DLC1: variants seen among roughly 807,000 people sequenced by gnomAD.
DLC1 encodes the protein DLC1 Rho GTPase activating protein.
Under a neutral mutation model 140.3 loss-of-function variants are expected in DLC1, and 54 were observed. The observed-to-expected ratio is 0.38, with a 90% CI of 0.31 to 0.48. The LOEUF (loss-of-function observed/expected upper bound fraction) is 0.48. Ranked by LOEUF, DLC1 falls within the 20% of genes least tolerant of loss-of-function variation. The probability of loss-of-function intolerance (pLI) is 0.96; values close to 1 mark genes in which losing one functional copy is unlikely to be tolerated. For synonymous variants in DLC1, 986 were observed against 728.1 expected, an observed-to-expected ratio of 1.35 and a Z score of -5.70; for missense variants, 2,536 against 1,907.0, an observed-to-expected ratio of 1.33 and a Z score of -6.14.
intron 1 of DLC1, among the ~76,000 whole-genome samples, chr8:13,501,561 G>A (rs1424468127): frequency 6.6e-6 from 1 of 152,142 alleles, no homozygotes; most frequent in Non-Finnish European, 1.5e-5. Flanking sequence ...CTATTCTATT[G>A]TAAAGGGCCT....
At chr8:13,123,704 G>A (rs932165851) in intron 5 of DLC1, among the ~76,000 whole-genome samples, 1 of 151,914 alleles carries the variant, frequency 6.6e-6, no homozygotes, top group Non-Finnish European at 1.5e-5. Context: ...AACTTATTAT[G>A]TTTACTTTCT....
At position 13,242,977 on chromosome 8, in the gene DLC1, C is replaced by T. The variant is rs1051221154; in HGVS notation, c.1348+62292G>A. Among the ~76,000 whole-genome samples, 2 of 151,812 alleles carry T rather than the reference C, an allele frequency of 1.3e-5. 1 individual carries two copies. The highest frequency in any genetic ancestry group is 4.8e-5 in the African/African-American group (2 of 41,302). On this transcript the variant is annotated intron_variant, in intron 5 of 17. Coordinates refer to ENST00000276297, the MANE Select transcript of DLC1 (RefSeq NM_182643.3). ...TGTGATTGGATCATGGGGTGGATTT[C>T]CCCCTTGTTGTTCTCGTGATGGTGA...
At chr8:13,146,289 T>A (rs371839145) in intron 5 of DLC1, among the ~76,000 whole-genome samples, 3 of 143,738 alleles carry the variant, frequency 2.1e-5, no homozygotes, top group African/African-American at 7.6e-5. Context: ...AAAAAAAAAA[T>A]ACACTGTAAT....
intron 5 of DLC1, among the ~76,000 whole-genome samples, chr8:13,227,292 C>A (rs1563181101): frequency 1.3e-5 from 2 of 152,164 alleles, no homozygotes; most frequent in South Asian, 4.1e-4. Flanking sequence ...TGCTACTTCT[C>A]TCTTATTTAG....
At chr8:13,341,997 C>T (rs776279509) in intron 4 of DLC1, 2 of 152,154 alleles carry the variant, frequency 1.3e-5, no homozygotes, top group Admixed American at 1.3e-4. Flanking sequence ...AATAAAGATG[C>T]TCTTTAAATG....
At chr8:13,143,834 G>C (rs941710379) in intron 5 of DLC1, among the ~76,000 whole-genome samples, 2 of 151,426 alleles carry the variant, frequency 1.3e-5, no homozygotes, top group Admixed American at 1.3e-4. Context: ...GAGAGAGAGA[G>C]AGAGAGAGAG....
chr8:13,481,331 G>C (rs1055827575), intron 2 of DLC1, among the ~76,000 whole-genome samples: 1 of 152,258 alleles, frequency 6.6e-6, no homozygotes, highest in Admixed American at 6.5e-5. Context: ...AGAGACTTAG[G>C]TGGGAGAATC....
chr8:13,280,045 C>T (rs182975792), intron 5 of DLC1, among the ~76,000 whole-genome samples: 61 of 151,144 alleles, frequency 4.0e-4, no homozygotes, highest in African/African-American at 1.2e-3. Context: ...TTTGGGAGGC[C>T]GAGGTGCATG....
intron 4 of DLC1, among the ~76,000 whole-genome samples, chr8:13,379,916 G>A (rs1481686404): frequency 1.3e-5 from 2 of 152,170 alleles, no homozygotes; most frequent in African/African-American, 4.8e-5. Context: ...AACACCGCAT[G>A]TTCTCACTCA....
At chr8:13,183,936 A>G (rs1339791862) in intron 5 of DLC1, among the ~76,000 whole-genome samples, 1 of 152,174 alleles carries the variant, frequency 6.6e-6, no homozygotes, top group Non-Finnish European at 1.5e-5. Flanking sequence ...CTGTGAATCC[A>G]TCTGGTCCTG....
At chr8:13,166,411 G>C (rs747199747) in intron 5 of DLC1, among the ~76,000 whole-genome samples, 6 of 152,126 alleles carry the variant, frequency 3.9e-5, no homozygotes, top group Non-Finnish European at 7.3e-5. Context: ...CATAATCTCA[G>C]CTCATTGCAA....
At chr8:13,363,032 TG>T (rs201020176) in intron 4 of DLC1, among the ~76,000 whole-genome samples, 3,466 of 152,312 alleles carry the variant, frequency 0.023, 60 homozygotes, top group Non-Finnish European at 0.033. Flanking sequence ...ACCCTTCTAC[TG>T]TGTGCTAGAT....
At chr8:13,164,308 A>AATC (rs1554456625) in intron 5 of DLC1, among the ~76,000 whole-genome samples, 2 of 145,536 alleles carry the variant, frequency 1.4e-5, no homozygotes, top group African/African-American at 5.4e-5. Context: ...AAAAAAAAAA[A>AATC]TCTCTATATC....
Position 13,213,935 on chromosome 8 carries a change from C to T in DLC1, c.1348+91334G>A, listed in dbSNP as rs560940968. Among the ~76,000 whole-genome samples the T allele has an allele frequency of 3.9e-5, 6 of 152,198 alleles. No individual in the cohort carries two copies. The South Asian group carries it at 8.3e-4, about 21-fold the overall frequency. Reference sequence around the variant, plus strand: ...AATAGCTGGGATTACAGGCGACTCCCACCATGCCTGGCTAATTTTTGTATG... The same window carrying T: ...AATAGCTGGGATTACAGGCGACTCCTACCATGCCTGGCTAATTTTTGTATG... On this transcript the variant is annotated intron_variant, in intron 5 of 17. Transcript: ENST00000276297.
chr8:13,586,498 A>G (rs928335107), intron 1 of DLC1, among the ~76,000 whole-genome samples: 3 of 151,726 alleles, frequency 2.0e-5, no homozygotes, highest in Non-Finnish European at 4.4e-5. Flanking sequence ...GAGCATAGTA[A>G]TTTCTTTTGG....
At chr8:13,281,030 G>T (rs1272527209) in intron 5 of DLC1, among the ~76,000 whole-genome samples, 2 of 152,154 alleles carry the variant, frequency 1.3e-5, no homozygotes, top group Non-Finnish European at 2.9e-5. Context: ...GTATCCAATA[G>T]TCCATGACAA....
intron 12 of DLC1, among the ~76,000 whole-genome samples, chr8:13,093,966 C>G (rs944966238): frequency 1.3e-5 from 2 of 152,170 alleles, no homozygotes; most frequent in Non-Finnish European, 2.9e-5. Context: ...GTATTGTTCT[C>G]CCAAGTATTT....
At chr8:13,175,840 T>C (rs751881845) in intron 5 of DLC1, among the ~76,000 whole-genome samples, 34 of 152,206 alleles carry the variant, frequency 2.2e-4, no homozygotes, top group Admixed American at 1.3e-4. Context: ...CTCACCAAAG[T>C]GGAACTCCCT....
intron 4 of DLC1, among the ~76,000 whole-genome samples, chr8:13,382,436 G>GA (rs1836312169): frequency 4.1e-5 from 6 of 146,704 alleles, no homozygotes; most frequent in East Asian, 2.0e-4. Flanking sequence ...GAACCCCAGG[G>GA]GGCGGAGCCT....
Sources: allele counts gnomAD v4.1 joint callset (sites outside exome capture counted in the v4.1 genomes callset), GRCh38; gene constraint gnomAD v4.1.1; transcripts MANE v1.5; gene names NCBI Gene and HGNC (gene_info 2026-07-23, HGNC 2026-07-21).